The following GALNT13 variants were observed in gnomAD, a reference collection of about 807,000 sequenced individuals.
The protein encoded by GALNT13 is UDP-GalNAc:polypeptide N-acetylgalactosaminyltransferase 13.
A neutral mutation model predicts 64.2 loss-of-function variants in GALNT13; 28 were observed. That is an observed-to-expected ratio of 0.44 (90% CI 0.32 to 0.60). The LOEUF is 0.60. Ranked by LOEUF, GALNT13 falls within the 20% of genes least tolerant of loss-of-function variation. The pLI is 0.05. For missense variants in GALNT13, 577 were observed against 669.8 expected, an observed-to-expected ratio of 0.86 and a Z score of 1.53; for synonymous variants, 214 against 224.6, an observed-to-expected ratio of 0.95 and a Z score of 0.42.
At chr2:153,599,651 C>A in the GALNT13 span, among the ~76,000 whole-genome samples, 35,213 of 151,610 alleles carry the variant, frequency 0.23, 4,843 homozygotes, top group African/African-American at 0.38. Flanking sequence ...CATTTTGAGA[C>A]GATAAAGAGC....
chr2:153,830,205 T>C, the GALNT13 span, among the ~76,000 whole-genome samples: 1 of 152,144 alleles, frequency 6.6e-6, no homozygotes, highest in Admixed American at 6.5e-5. Context: ...TTTTAGAACA[T>C]GCTTTTCAAA....
the GALNT13 span, among the ~76,000 whole-genome samples, chr2:153,284,610 C>T: frequency 1.3e-5 from 2 of 152,118 alleles, no homozygotes; most frequent in African/African-American, 2.4e-5. Context: ...CAGTGTTCTC[C>T]ATCAGCCTGG....
chr2:153,704,057 C>T, the GALNT13 span, among the ~76,000 whole-genome samples: 1 of 152,002 alleles, frequency 6.6e-6, no homozygotes, highest in Non-Finnish European at 1.5e-5. Flanking sequence ...ATCTTGAAAA[C>T]ACCAGTGCAT....
chr2:153,972,408 C>T (rs1351007248), intron 3 of GALNT13, among the ~76,000 whole-genome samples: 1 of 152,050 alleles, frequency 6.6e-6, no homozygotes, highest in Admixed American at 6.6e-5. Flanking sequence ...ATATCCTTCT[C>T]CATCTTTTTA....
At chr2:153,982,844 A>G (rs1694557184) in intron 3 of GALNT13, among the ~76,000 whole-genome samples, 1 of 151,936 alleles carries the variant, frequency 6.6e-6, no homozygotes, top group African/African-American at 2.4e-5. Flanking sequence ...TGTCTGGGGA[A>G]AAAAAAGAAT....
intron 6 of GALNT13, among the ~76,000 whole-genome samples, chr2:154,244,311 TCA>T (rs776515920): frequency 5.9e-5 from 9 of 152,302 alleles, no homozygotes; most frequent in Non-Finnish European, 1.2e-4. Context: ...TTTCTTCTCC[TCA>T]CAAGTTAAAT....
chr2:153,170,204 A>G, the GALNT13 span, among the ~76,000 whole-genome samples: 1 of 152,158 alleles, frequency 6.6e-6, no homozygotes, highest in African/African-American at 2.4e-5. Flanking sequence ...AACAAAATAA[A>G]CCTAATACGT....
intron 3 of GALNT13, among the ~76,000 whole-genome samples, chr2:154,112,429 G>A (rs1703039151): frequency 6.6e-6 from 1 of 152,180 alleles, no homozygotes; most frequent in African/African-American, 2.4e-5. Context: ...CTCTGCTGAG[G>A]TCACCCATTG....
chr2:153,951,634 T>C (rs1692189388), intron 3 of GALNT13, among the ~76,000 whole-genome samples: 1 of 152,086 alleles, frequency 6.6e-6, no homozygotes, highest in South Asian at 2.1e-4. Flanking sequence ...AGGAAGGATG[T>C]AGGAGATGAT....
At chr2:154,153,236 C>T (rs1684169344) in intron 4 of GALNT13, among the ~76,000 whole-genome samples, 1 of 152,176 alleles carries the variant, frequency 6.6e-6, no homozygotes, top group Non-Finnish European at 1.5e-5. Context: ...GCGATGGCTG[C>T]AGAACAGTGG....
chr2:153,392,531 A>C, the GALNT13 span, among the ~76,000 whole-genome samples: 1 of 152,196 alleles, frequency 6.6e-6, no homozygotes, highest in African/African-American at 2.4e-5. Context: ...TTTGTCAGTT[A>C]GGATAGATCT....
chr2:153,086,705 T>C, the GALNT13 span, among the ~76,000 whole-genome samples: 4 of 149,210 alleles, frequency 2.7e-5, no homozygotes, highest in African/African-American at 9.9e-5. Flanking sequence ...AGTATTTTAT[T>C]TTATTTTATT....
rs975576485 is a variant in GALNT13 at position 154,386,934 on chromosome 2, A to C, written c.1157-9057A>C. Among the ~76,000 whole-genome samples, 12 of 152,156 alleles carry C rather than the reference A, an allele frequency of 7.9e-5. 1 individual carries two copies. The highest frequency in any genetic ancestry group is 1.2e-4 in the Non-Finnish European group (8 of 67,998). ...GACTGTGGATATTAGAGTTAAATAA[A>C]TTGAAAGTTGTCTGATAATCCTCTT... On this transcript the variant is annotated intron_variant, in intron 9 of 12. Coordinates refer to ENST00000392825, the MANE Select transcript of GALNT13 (RefSeq NM_052917.4).
chr2:153,463,828 G>A, the GALNT13 span, among the ~76,000 whole-genome samples: 2 of 152,064 alleles, frequency 1.3e-5, no homozygotes, highest in South Asian at 2.1e-4. Flanking sequence ...AGACAAAACA[G>A]TAGTTGTTCC....
the GALNT13 span, among the ~76,000 whole-genome samples, chr2:153,585,410 G>A: frequency 2.6e-5 from 4 of 152,234 alleles, no homozygotes; most frequent in East Asian, 1.9e-4. Flanking sequence ...AATAAACAAA[G>A]CCTTTGAGAC....
chr2:153,624,871 T>C, the GALNT13 span, among the ~76,000 whole-genome samples: 334 of 151,282 alleles, frequency 2.2e-3, 3 homozygotes, highest in African/African-American at 7.9e-3. Context: ...TTGTTTGAGA[T>C]AGTTCAGAAG....
At chr2:154,438,515 G>T (rs943506239) in intron 11 of GALNT13, 77 bp from the exon 12 acceptor site, 4 of 1,035,860 alleles carry the variant, frequency 3.9e-6, no homozygotes, top group Non-Finnish European at 4.3e-6. Context: ...TGATACGAAA[G>T]CTTCCCTGGA....
At chr2:154,276,146 A>G (rs567375682) in intron 8 of GALNT13, among the ~76,000 whole-genome samples, 2 of 152,222 alleles carry the variant, frequency 1.3e-5, no homozygotes, top group East Asian at 3.9e-4. Flanking sequence ...CTTGTCTTAG[A>G]TGAGACTGTG....
At chr2:154,154,087 G>A (rs1684251606) in intron 4 of GALNT13, among the ~76,000 whole-genome samples, 1 of 152,044 alleles carries the variant, frequency 6.6e-6, no homozygotes, top group Non-Finnish European at 1.5e-5. Flanking sequence ...GCTTCAGTGT[G>A]TTCTTATATT....
Sources: allele counts gnomAD v4.1 joint callset (sites outside exome capture counted in the v4.1 genomes callset), GRCh38; gene constraint gnomAD v4.1.1; transcripts MANE v1.5; gene names NCBI Gene and HGNC (gene_info 2026-07-23, HGNC 2026-07-21).